Variants in GLIS3 observed in about 807,000 individuals in gnomAD.
GLIS3 encodes the protein GLIS family zinc finger 3.
A neutral mutation model predicts 78.6 loss-of-function variants in GLIS3; 53 were observed. The ratio of observed to expected loss-of-function variants is 0.67; its 90% confidence interval spans 0.54 to 0.85. GLIS3 has a LOEUF of 0.85. Ranked by LOEUF, GLIS3 falls within the 40% of genes least tolerant of loss-of-function variation. The pLI is 0.00. For synonymous variants in GLIS3, 684 were observed against 509.9 expected, an observed-to-expected ratio of 1.34 and a Z score of -4.60; for missense variants, 1,703 against 1,231.1, an observed-to-expected ratio of 1.38 and a Z score of -5.74.
the GLIS3 span, among the ~76,000 whole-genome samples, chr9:4,376,175 T>A: frequency 1.3e-5 from 2 of 152,160 alleles, no homozygotes; most frequent in South Asian, 4.1e-4. Context: ...CAGGCATGAC[T>A]CTGGTGGAGA....
Position 4,299,992 on chromosome 9 carries a change from T to G in GLIS3, c.-670A>C, listed in dbSNP as rs1287292949. The stretch of plus-strand genomic sequence containing the variant: ...TCTGGGCTGCCCGGGCGGCGCAGTG[T>G]GGACGCGGCTGCAGGGAGAGGGGAA... On this transcript the variant is annotated 5_prime_UTR_variant, in exon 1 of 11. Coordinates refer to ENST00000381971, the MANE Select transcript of GLIS3 (RefSeq NM_001042413.2). The G allele has an allele frequency of 6.6e-6, 1 of 150,416 alleles. No homozygotes were observed. The highest frequency in any genetic ancestry group is 2.5e-5 in the African/African-American group (1 of 40,594). The allele number at this position is 150,416 out of a possible 1,614,324, so 9.3% of individuals were successfully genotyped here. A position where few individuals can be genotyped will look rare whatever the true frequency, so the allele number is the denominator to read the frequency against.
intron 2 of GLIS3, among the ~76,000 whole-genome samples, chr9:4,166,861 C>T (rs756515229): frequency 2.0e-5 from 3 of 152,216 alleles, no homozygotes; most frequent in Non-Finnish European, 2.9e-5. Context: ...AGTCTTCCTC[C>T]TCTTTCCTCT....
chr9:4,015,561 A>G (rs1822362641), intron 4 of GLIS3, among the ~76,000 whole-genome samples: 1 of 152,190 alleles, frequency 6.6e-6, no homozygotes, highest in African/African-American at 2.4e-5. Context: ...AGTTATATCT[A>G]TCTTGTCTAC....
chr9:4,298,223 C>A (rs1430195809), intron 1 of GLIS3, among the ~76,000 whole-genome samples: 1 of 152,092 alleles, frequency 6.6e-6, no homozygotes, highest in Non-Finnish European at 1.5e-5. Context: ...GCGCCACGGC[C>A]GGGCTCGCAG....
intron 6 of GLIS3, among the ~76,000 whole-genome samples, chr9:3,910,888 C>A (rs761165614): frequency 3.3e-5 from 5 of 152,174 alleles, no homozygotes; most frequent in Non-Finnish European, 7.3e-5. Flanking sequence ...TCTCATATAA[C>A]ATGTTATTCC....
At chr9:4,301,767 T>A (rs1342887690), upstream of GLIS3, among the ~76,000 whole-genome samples, 2 of 152,238 alleles carry the variant, frequency 1.3e-5, no homozygotes, top group Middle Eastern at 3.4e-3. Context: ...ACAGCTTAGC[T>A]GGAAGAGAAA....
At chr9:4,395,325 G>C in the GLIS3 span, among the ~76,000 whole-genome samples, 1 of 152,056 alleles carries the variant, frequency 6.6e-6, no homozygotes, top group Non-Finnish European at 1.5e-5. Context: ...GTGTAGTGTG[G>C]GTATTTTGTT....
chr9:4,465,419 C>T, the GLIS3 span, among the ~76,000 whole-genome samples: 13 of 152,082 alleles, frequency 8.5e-5, no homozygotes, highest in South Asian at 6.2e-4. Context: ...CATGGTGACA[C>T]GCAACTGTAG....
chr9:4,396,031 C>G, the GLIS3 span, among the ~76,000 whole-genome samples: 1 of 152,018 alleles, frequency 6.6e-6, no homozygotes, highest in African/African-American at 2.4e-5. Context: ...CTCGGCCTCC[C>G]AAAGTGCTGG....
the GLIS3 span, among the ~76,000 whole-genome samples, chr9:4,401,071 C>A: frequency 1.3e-5 from 2 of 152,108 alleles, no homozygotes; most frequent in African/African-American, 4.8e-5. Context: ...ACCTTAGGCA[C>A]CAGCTCAGCC....
chr9:3,892,629 A>T (rs984324329), intron 7 of GLIS3, among the ~76,000 whole-genome samples: 3 of 152,212 alleles, frequency 2.0e-5, no homozygotes, highest in Admixed American at 2.0e-4. Flanking sequence ...AGTATAAAAA[A>T]GATGAAATTT....
At chr9:3,953,789 C>A (rs955591583) in intron 4 of GLIS3, among the ~76,000 whole-genome samples, 1,802 of 44,692 alleles carry the variant, frequency 0.04, 22 homozygotes, top group African/African-American at 0.078. Context: ...CTCTCTCTCT[C>A]TCTCTCTATA....
the GLIS3 span, among the ~76,000 whole-genome samples, chr9:4,441,011 C>A: frequency 6.6e-6 from 1 of 152,066 alleles, no homozygotes; most frequent in East Asian, 1.9e-4. Context: ...TTGTATCCTG[C>A]AACTTTACTA....
At chr9:4,058,083 G>A (rs1457921376) in intron 4 of GLIS3, among the ~76,000 whole-genome samples, 1 of 152,144 alleles carries the variant, frequency 6.6e-6, no homozygotes, top group Non-Finnish European at 1.5e-5. Context: ...AACATCCCCT[G>A]ATGCATGGAT....
chr9:4,373,753 C>T, the GLIS3 span, among the ~76,000 whole-genome samples: 2 of 151,756 alleles, frequency 1.3e-5, no homozygotes, highest in Non-Finnish European at 2.9e-5. Context: ...ATGCAACCTC[C>T]ACCTCCTGGG....
At chr9:4,002,938 ACTG>A (rs1289903655) in intron 4 of GLIS3, among the ~76,000 whole-genome samples, 1 of 152,236 alleles carries the variant, frequency 6.6e-6, no homozygotes, top group Non-Finnish European at 1.5e-5. Context: ...TGGCTCTGAT[ACTG>A]CTAAGTCACT....
chr9:3,902,476 T>G lies in GLIS3; in HGVS notation c.1984-3641A>C, dbSNP rs530978375. Among the ~76,000 whole-genome samples, 7 of 152,342 alleles carry G rather than the reference T, an allele frequency of 4.6e-5. No homozygotes were observed. The East Asian group carries it at 1.2e-3, about 25-fold the overall frequency. On this transcript the variant is annotated intron_variant, in intron 6 of 10. Transcript: ENST00000381971. ...TATTTGGAATAAGAAGCCCAACTATTTATTTAAAAAACTGCATAATGTATA... is the reference window on the plus strand; with the variant it reads ...TATTTGGAATAAGAAGCCCAACTATGTATTTAAAAAACTGCATAATGTATA...
chr9:4,428,338 G>C, the GLIS3 span, among the ~76,000 whole-genome samples: 2 of 151,836 alleles, frequency 1.3e-5, no homozygotes, highest in African/African-American at 4.8e-5. Context: ...AATTAGCCAG[G>C]CTTGGTGGCA....
the GLIS3 span, among the ~76,000 whole-genome samples, chr9:4,428,448 T>C: frequency 7.6e-6 from 1 of 131,358 alleles, no homozygotes; most frequent in Non-Finnish European, 1.5e-5. Flanking sequence ...CACTGTACTG[T>C]ACTCCAGCCT....
Sources: gnomAD v4.1 joint callset for allele counts (sites outside exome capture counted in the v4.1 genomes callset) on GRCh38, gnomAD v4.1.1 for gene constraint, MANE v1.5 for transcripts, NCBI Gene and HGNC (gene_info 2026-07-23, HGNC 2026-07-21) for gene names.